Variants in ALG12 observed in about 807,000 individuals in gnomAD.
The protein encoded by ALG12 is dol-P-Man:Man(7)GlcNAc(2)-PP-Dol alpha-1,6-mannosyltransferase.
Under a neutral mutation model 46.0 loss-of-function variants are expected in ALG12, and 36 were observed. The ratio of observed to expected loss-of-function variants is 0.78; its 90% confidence interval spans 0.60 to 1.03. ALG12 has a LOEUF of 1.03. Ranked by LOEUF, ALG12 falls within the 50% of genes least tolerant of loss-of-function variation. ALG12 has a pLI of 0.00. For missense variants in ALG12, 599 were observed against 633.5 expected, an observed-to-expected ratio of 0.95 and a Z score of 0.58; for synonymous variants, 326 against 291.6, an observed-to-expected ratio of 1.12 and a Z score of -1.20.
chr22:49,898,041 A>G (rs1317708597), downstream of ALG12, among the ~76,000 whole-genome samples: 2 of 150,380 alleles, frequency 1.3e-5, no homozygotes, highest in Non-Finnish European at 3.0e-5. Flanking sequence ...CTTTGTATAT[A>G]TTGGAGACCA....
the ALG12 span, among the ~76,000 whole-genome samples, chr22:49,876,774 A>T: frequency 6.6e-6 from 1 of 152,278 alleles, no homozygotes; most frequent in South Asian, 2.1e-4. Context: ...TTTGGAAACA[A>T]AAGACCTCGT....
At position 49,904,479 on chromosome 22, in the gene ALG12, C is replaced by T. The variant is rs774752704; in HGVS notation, c.1020G>A (p.Leu340=). 5 of 1,614,176 alleles carry T rather than the reference C, an allele frequency of 3.1e-6. No homozygotes were observed. In the Admixed American group the frequency reaches 6.7e-5, roughly 22 times the overall value. The change falls in exon 8 of 10, where the codon CTG becomes CTA. Residue 340 remains leucine (L), a synonymous_variant. Transcript: ENST00000330817. ...YLLNNYKKSW[L]YKAGSLLVIG... is the part of the protein sequence containing the mutation. ...TCACAAGCAGAGACCCCGCTTTGTACAGCCAAGACTTTTTATAGTTATTCA... is the reference window on the plus strand; with the variant it reads ...TCACAAGCAGAGACCCCGCTTTGTATAGCCAAGACTTTTTATAGTTATTCA...
chr22:49,896,032 G>A (rs958136431), downstream of ALG12, among the ~76,000 whole-genome samples: 3 of 152,174 alleles, frequency 2.0e-5, no homozygotes, highest in Admixed American at 6.5e-5. Context: ...CTGGGTCTCC[G>A]CCCACCATCT....
chr22:49,861,216 TGAGATG>T, the ALG12 span, among the ~76,000 whole-genome samples: 1 of 151,844 alleles, frequency 6.6e-6, no homozygotes, highest in South Asian at 2.1e-4. Context: ...TTGTTTGTTA[TGAGATG>T]GAGTCTCGCT....
intron 1 of ALG12, among the ~76,000 whole-genome samples, chr22:49,915,815 T>A (rs977148799): frequency 6.6e-6 from 1 of 152,204 alleles, no homozygotes; most frequent in Admixed American, 6.5e-5. Context: ...CCTCCCCTGC[T>A]GGACTCATCC....
In ALG12 at chr22:49,909,252, T is replaced by C; in HGVS notation, c.760A>G (p.Asn254Asp). Reference protein sequence around the residue: ...WYNTVLNKSSNWGTSPLLWYF... With the variant: ...WYNTVLNKSSDWGTSPLLWYF... ...CGGACACTGAAGGATACCCCCCAGT[T>C]GGAGCTTTTGTTCAGGACAGTGTTG... Residue 254 changes from asparagine to aspartate, a missense_variant, in exon 6 of 10, where the codon AAC (asparagine) becomes GAC (aspartate). Asn to Asp is a conservative substitution (Grantham distance 23, BLOSUM62 1). Transcript: ENST00000330817. The C allele has an allele frequency of 6.2e-7, 1 of 1,614,232 alleles. No individual in the cohort carries two copies. Among genetic ancestry groups the C allele is most frequent in the Non-Finnish European group, 8.5e-7 (1 of 1,180,040 alleles).
At chr22:49,884,841 G>A in the ALG12 span, 8 of 1,610,488 alleles carry the variant, frequency 5.0e-6, no homozygotes, top group Non-Finnish European at 6.8e-6. Flanking sequence ...CTGACAGGCT[G>A]ACTGAGGACT....
In ALG12 at chr22:49,910,674, G is replaced by A. The variant is rs2060571735; in HGVS notation, c.296-67C>T. 1.9e-6 allele frequency: 3 copies of A among 1,575,482 alleles called. No individual in the cohort carries two copies. The South Asian group carries it at 3.3e-5, about 17-fold the overall frequency. ...AGTATCCAGTGGGGCCCCCTACGTG[G>A]GTCCTTCTACACAGATCTTTCTATA... is the stretch of plus-strand genomic sequence containing the variant. On this transcript the variant is annotated intron_variant, in intron 3 of 9. Coordinates refer to ENST00000330817, the MANE Select transcript of ALG12 (RefSeq NM_024105.4).
chr22:49,913,381 T>A lies in ALG12; in HGVS notation c.295+4A>T. The A allele has an allele frequency of 6.2e-7, 1 of 1,613,804 alleles. No individual in the cohort carries two copies. Among genetic ancestry groups the A allele is most frequent in the Non-Finnish European group, 8.5e-7 (1 of 1,180,022 alleles). ...CCCTCCTCCTTTGTTGAAGACCCCC[T>A]TACCTATTAGCTGAGAGTAAAACTT... On this transcript the variant is annotated splice_donor_region_variant and intron_variant, in intron 3 of 9. Transcript: ENST00000330817.
chr22:49,917,428 TG>T lies in ALG12; in HGVS notation c.-79+834del, dbSNP rs200487659. On this transcript the variant is annotated intron_variant, in intron 1 of 9. Transcript: ENST00000330817. ...GCTCACGCCTGTAACCCTAGCACTT[TG>T]GGAGGCTGAGGCAGGCAGATCGCTT... 8.1e-3 allele frequency among the ~76,000 whole-genome samples: 1,230 copies of T among 152,292 alleles called. 19 individuals are homozygous for T. The highest frequency in any genetic ancestry group is 0.029 in the African/African-American group (1,194 of 41,550).
chr22:49,910,015 G>A lies in ALG12; in HGVS notation c.543C>T (p.Ile181=), dbSNP rs537689449. 2.5e-6 allele frequency: 4 copies of A among 1,613,798 alleles called. No homozygotes were observed. Among genetic ancestry groups the A allele is most frequent in the African/African-American group, 1.3e-5 (1 of 75,072 alleles). The part of the protein sequence containing the change: ...RFIWLSAFAI[I]VFRVELCLFL... ...ACAGGCACAGCTCCACCCTGAACAC[G>A]ATGATGGCGAAGGCTGACAGCCAGA... Residue 181 remains isoleucine (I), a synonymous_variant, in exon 5 of 10, where the codon ATC becomes ATT. Coordinates refer to ENST00000330817, the MANE Select transcript of ALG12 (RefSeq NM_024105.4).
chr22:49,907,214 G>A (rs548018334), intron 7 of ALG12, among the ~76,000 whole-genome samples: 3 of 152,140 alleles, frequency 2.0e-5, no homozygotes, highest in Non-Finnish European at 4.4e-5. Flanking sequence ...CTGACCTGTC[G>A]CCCTCAGAGC....
intron 1 of ALG12, among the ~76,000 whole-genome samples, chr22:49,917,909 G>T (rs1012058481): frequency 1.1e-5 from 1 of 91,870 alleles, no homozygotes; most frequent in African/African-American, 5.4e-5. Context: ...CAGATCCCCA[G>T]CCCCCAGGTG....
rs779737521 is a variant in ALG12 at position 49,900,815 on chromosome 22, G to A, written c.*3023C>T. 2.0e-5 allele frequency: 3 copies of A among 152,378 alleles called. No homozygotes were observed. Among genetic ancestry groups the A allele is most frequent in the Non-Finnish European group, 2.9e-5 (2 of 68,070 alleles). The allele number at this position is 152,378 out of a possible 1,614,324, so 9.4% of individuals were successfully genotyped here. On this transcript the variant is annotated 3_prime_UTR_variant, in exon 10 of 10. Coordinates refer to ENST00000330817, the MANE Select transcript of ALG12 (RefSeq NM_024105.4). ...CTGTACACACATATTACATATGTACGTGTGCAACTGCACGCAGCATGCCTG... is the reference window on the plus strand; with the variant it reads ...CTGTACACACATATTACATATGTACATGTGCAACTGCACGCAGCATGCCTG...
the ALG12 span, chr22:49,886,069 G>A: frequency 1.5e-6 from 1 of 681,892 alleles, no homozygotes; most frequent in South Asian, 1.7e-5. The surrounding 1 kb of genome is among the most constrained non-coding windows in gnomAD (Gnocchi z 7.7). Context: ...CGGCCTTCAG[G>A]TGGGCATCAC....
In ALG12 at chr22:49,909,940, T is replaced by A; in HGVS notation, c.618A>T (p.Val206=). Residue 206 remains valine, a synonymous_variant, in exon 5 of 10, where the codon GTA becomes GTT. Coordinates refer to ENST00000330817, the MANE Select transcript of ALG12 (RefSeq NM_024105.4). The part of the protein sequence containing the change: ...LLALGNRKVS[V]VRALRHAVPA... ...GGACGGCGTGGCGAAGGGCTCTGAC[T>A]ACAGAAACCTTTCGGTTGCCCAAGG... The A allele has an allele frequency of 1.9e-6, 3 of 1,614,108 alleles. No homozygotes were observed. In the South Asian group the frequency reaches 3.3e-5, roughly 18 times the overall value.
At chr22:49,896,486 G>A (rs2060484029), downstream of ALG12, among the ~76,000 whole-genome samples, 1 of 152,224 alleles carries the variant, frequency 6.6e-6, no homozygotes, top group South Asian at 2.1e-4. Context: ...GCAGGCCCAG[G>A]TCCTGGTCCC....
downstream of ALG12, among the ~76,000 whole-genome samples, chr22:49,897,478 C>G (rs182844201): frequency 1.3e-5 from 2 of 152,140 alleles, no homozygotes; most frequent in Non-Finnish European, 2.9e-5. Flanking sequence ...CACATCCGCA[C>G]CAGCACTTGG....
At chr22:49,904,089 C>T in intron 9 of ALG12, 23 bp from the exon 10 acceptor site, 1 of 1,614,032 alleles carries the variant, frequency 6.2e-7, no homozygotes, top group Non-Finnish European at 8.5e-7. Context: ...AGCTGGTGGT[C>T]CTGCCCAGGG....
Sources: allele counts gnomAD v4.1 joint callset (sites outside exome capture counted in the v4.1 genomes callset), GRCh38; gene constraint gnomAD v4.1.1; non-coding constraint Gnocchi (gnomAD v3.1); transcripts MANE v1.5; gene names NCBI Gene and HGNC (gene_info 2026-07-23, HGNC 2026-07-21).